The following LRIG1 variants were observed in gnomAD, a reference collection of about 807,000 sequenced individuals.
LRIG1 encodes leucine-rich repeats and immunoglobulin-like domains protein 1.
A neutral mutation model predicts 99.2 loss-of-function variants in LRIG1; 48 were observed. The ratio of observed to expected loss-of-function variants is 0.48; its 90% confidence interval spans 0.38 to 0.62. The LOEUF is 0.62. Ranked by LOEUF, LRIG1 falls within the 20% of genes least tolerant of loss-of-function variation. The pLI, the probability that LRIG1 is intolerant of heterozygous loss-of-function variation, is 0.00. For synonymous variants in LRIG1, 772 were observed against 596.1 expected (o/e 1.29, Z -4.30); for missense variants, 1,646 against 1,434.4 (o/e 1.15, Z -2.38).
chr3:66,385,726 A>G (rs1701340589), intron 13 of LRIG1, among the ~76,000 whole-genome samples: 1 of 152,244 alleles, frequency 6.6e-6, no homozygotes, highest in Non-Finnish European at 1.5e-5. Context: ...TGCTGGGATT[A>G]CAGGCATGAG....
At chr3:66,454,530 C>T (rs1559807486) in intron 2 of LRIG1, among the ~76,000 whole-genome samples, 2 of 152,148 alleles carry the variant, frequency 1.3e-5, no homozygotes, top group African/African-American at 4.8e-5. Context: ...CTGCCGACGC[C>T]CATCTCTCCC....
At position 66,383,368 on chromosome 3, in the gene LRIG1, C is replaced by A. The variant is rs1358125682; in HGVS notation, c.2105G>T (p.Arg702Leu). ...TPSLVVPLED[R>L]VVSVGETVAL... ...CACTGTTTCTCCCACAGATACCACA[C>A]GGTCTTCCAAGGGGACCACCAAGGA... The change falls in exon 15 of 19, where the codon CGT becomes CTT. Residue 702 changes from arginine to leucine, a missense_variant. Transcript: ENST00000273261. 8 of 1,574,920 alleles carry A rather than the reference C, an allele frequency of 5.1e-6. No individual in the cohort carries two copies. The highest frequency in any genetic ancestry group is 2.4e-5 in the South Asian group (2 of 84,864).
At chr3:66,432,461 A>G (rs1317424187) in intron 3 of LRIG1, among the ~76,000 whole-genome samples, 2 of 152,198 alleles carry the variant, frequency 1.3e-5, no homozygotes, top group African/African-American at 2.4e-5. Flanking sequence ...AACAGTGGGA[A>G]CAAATCTAAC....
intron 2 of LRIG1, among the ~76,000 whole-genome samples, chr3:66,456,597 T>C (rs1442424076): frequency 2.1e-5 from 3 of 140,404 alleles, no homozygotes; most frequent in East Asian, 4.1e-4. Flanking sequence ...AAAAAAGTGA[T>C]AGTAATTCAC....
At chr3:66,400,314 C>G (rs183920709) in intron 9 of LRIG1, among the ~76,000 whole-genome samples, 4 of 152,220 alleles carry the variant, frequency 2.6e-5, no homozygotes, top group African/African-American at 4.8e-5. Context: ...TTCCCCTCCC[C>G]GTTATCATGT....
At position 66,417,462 on chromosome 3, in the gene LRIG1, T is replaced by C. The variant is rs1702649482; in HGVS notation, c.366-196A>G. 12 of 609,064 alleles carry C rather than the reference T, an allele frequency of 2.0e-5. No individual in the cohort carries two copies. The East Asian group carries it at 3.2e-4, about 16-fold the overall frequency. The allele number at this position is 609,064 out of a possible 1,614,324, so 37.7% of individuals were successfully genotyped here. ...CTAGGAGAATATTGGATTTTCAATC[T>C]GGGACAAGTTTATCAAAGTTCTATC... On this transcript the variant is annotated intron_variant, in intron 3 of 18. Coordinates refer to ENST00000273261, the MANE Select transcript of LRIG1 (RefSeq NM_015541.3).
At chr3:66,441,801 A>C (rs1559801285) in intron 3 of LRIG1, among the ~76,000 whole-genome samples, 1 of 152,190 alleles carries the variant, frequency 6.6e-6, no homozygotes, top group East Asian at 1.9e-4. Context: ...GTGTACAGTG[A>C]GCATAAGCCC....
At chr3:66,453,642 G>GT (rs1489886840) in intron 2 of LRIG1, among the ~76,000 whole-genome samples, 1 of 152,176 alleles carries the variant, frequency 6.6e-6, no homozygotes, top group Non-Finnish European at 1.5e-5. Context: ...CTCTAGGCCA[G>GT]TTTAAGTCAC....
At chr3:66,499,586 G>A (rs986424375) in intron 1 of LRIG1, among the ~76,000 whole-genome samples, 1 of 152,160 alleles carries the variant, frequency 6.6e-6, no homozygotes, top group Non-Finnish European at 1.5e-5. Context: ...CTCGGGGGAA[G>A]ACTGCCTTCT....
intron 1 of LRIG1, chr3:66,469,049 C>T (rs1348264970): frequency 1.3e-5 from 2 of 152,170 alleles, no homozygotes; most frequent in Non-Finnish European, 1.5e-5. Context: ...GCGGATAATG[C>T]ACATTAAAGG....
intron 3 of LRIG1, among the ~76,000 whole-genome samples, chr3:66,428,000 G>C (rs527588546): frequency 6.6e-6 from 1 of 152,304 alleles, no homozygotes; most frequent in East Asian, 1.9e-4. Flanking sequence ...TATTTCTATT[G>C]ACAGAACATA....
At chr3:66,425,835 G>T (rs370304866) in intron 3 of LRIG1, among the ~76,000 whole-genome samples, 4 of 152,318 alleles carry the variant, frequency 2.6e-5, no homozygotes, top group African/African-American at 9.6e-5. Context: ...ACCTGTTAAA[G>T]GCTTCAAAAA....
At chr3:66,440,604 T>C (rs931385720) in intron 3 of LRIG1, among the ~76,000 whole-genome samples, 1 of 152,162 alleles carries the variant, frequency 6.6e-6, no homozygotes, top group East Asian at 1.9e-4. Context: ...CCTCCAGGGT[T>C]CAGTGTAGAC....
intron 1 of LRIG1, chr3:66,498,040 A>G (rs1701268284): frequency 6.6e-6 from 1 of 152,248 alleles, no homozygotes; most frequent in Non-Finnish European, 1.5e-5. Flanking sequence ...TCTAGAAAAA[A>G]AGAACACATT....
chr3:66,474,649 T>C (rs1257016176), intron 1 of LRIG1, among the ~76,000 whole-genome samples: 1 of 152,032 alleles, frequency 6.6e-6, no homozygotes, highest in Non-Finnish European at 1.5e-5. Flanking sequence ...CCCGGCCCCA[T>C]CTACATTCAA....
chr3:66,405,169 C>T (rs748046024), intron 9 of LRIG1, 29 bp downstream of exon 9: 29 of 1,605,810 alleles, frequency 1.8e-5, no homozygotes, highest in South Asian at 1.8e-4. Context: ...GCGCATTTGC[C>T]GGCGGAGCTC....
intron 3 of LRIG1, among the ~76,000 whole-genome samples, chr3:66,428,952 C>T (rs1031434772): frequency 5.3e-5 from 8 of 152,194 alleles, no homozygotes; most frequent in African/African-American, 1.9e-4. Context: ...CTGCAGATGA[C>T]GTTCCAGATC....
At chr3:66,460,736 A>G (rs1290731943) in intron 2 of LRIG1, among the ~76,000 whole-genome samples, 1 of 152,228 alleles carries the variant, frequency 6.6e-6, no homozygotes, top group East Asian at 1.9e-4. Context: ...CAGCCTTAGC[A>G]AACTAACACA....
chr3:66,454,764 C>G (rs911654792), intron 2 of LRIG1, among the ~76,000 whole-genome samples: 11 of 152,186 alleles, frequency 7.2e-5, no homozygotes, highest in African/African-American at 2.7e-4. Flanking sequence ...TCCGTAAGGT[C>G]AGCTTGGACC....
Sources: allele counts gnomAD v4.1 joint callset (sites outside exome capture counted in the v4.1 genomes callset), GRCh38; gene constraint gnomAD v4.1.1; transcripts MANE v1.5; gene names NCBI Gene and HGNC (gene_info 2026-07-23, HGNC 2026-07-21).